Variants in VWA8 observed in about 807,000 individuals in gnomAD.
The protein encoded by VWA8 is von Willebrand factor A domain containing 8.
A neutral mutation model predicts 241.5 loss-of-function variants in VWA8; 221 were observed. That is an observed-to-expected ratio of 0.91 (90% CI 0.82 to 1.02). The LOEUF is 1.02. VWA8 is among the 50% of genes least tolerant of loss of function. The probability of loss-of-function intolerance (pLI) is 0.00; values close to 1 mark genes in which losing one functional copy is unlikely to be tolerated. For missense variants in VWA8, 2,322 were observed against 2,328.7 expected (o/e 1.00, Z 0.06); for synonymous variants, 852 against 827.1 (o/e 1.03, Z -0.52).
intron 39 of VWA8, among the ~76,000 whole-genome samples, chr13:41,606,752 T>G (rs1268327898): frequency 6.6e-6 from 1 of 152,184 alleles, no homozygotes; most frequent in African/African-American, 2.4e-5. Flanking sequence ...ATTACAATTA[T>G]GTAATGCTAG....
intron 4 of VWA8, among the ~76,000 whole-genome samples, chr13:41,893,215 T>C (rs980472523): frequency 1.3e-5 from 2 of 152,210 alleles, no homozygotes; most frequent in East Asian, 3.8e-4. Flanking sequence ...AAAGAGGCAT[T>C]GCTTAATCAA....
intron 35 of VWA8, among the ~76,000 whole-genome samples, chr13:41,683,197 C>T (rs189770550): frequency 1.4e-4 from 21 of 151,934 alleles, no homozygotes; most frequent in African/African-American, 5.1e-4. Context: ...AAATATGTCA[C>T]CTTGTGAATG....
rs566304672 is a variant in VWA8, at chr13:41,859,136, C to A, written c.1425+6600G>T. Among the ~76,000 whole-genome samples, 13 of 146,876 alleles carry A rather than the reference C, an allele frequency of 8.9e-5. No individual in the cohort carries two copies. The East Asian group carries it at 2.5e-3, about 29-fold the overall frequency. ...AAAAAAAAAAGCCTCCAAGGTCCAA[C>A]GTTGCATAAAGAACACTTAAATGAA... On this transcript the variant is annotated intron_variant, in intron 12 of 44. Transcript: ENST00000379310.
chr13:41,717,658 G>A (rs1257616009), intron 26 of VWA8, among the ~76,000 whole-genome samples: 2 of 151,820 alleles, frequency 1.3e-5, no homozygotes, highest in Non-Finnish European at 2.9e-5. Flanking sequence ...AAATTGCTAC[G>A]GAACCTGTGA....
chr13:41,610,758 A>G (rs1053001116), intron 39 of VWA8, among the ~76,000 whole-genome samples: 4 of 152,238 alleles, frequency 2.6e-5, no homozygotes, highest in African/African-American at 9.6e-5. Context: ...CTAAAAGGAA[A>G]TACTGGTGGT....
At position 41,887,254 on chromosome 13, in the gene VWA8, T is replaced by C. The variant is rs928993242; in HGVS notation, c.759A>G (p.Leu253=). 1 of 1,613,724 alleles carries C rather than the reference T, an allele frequency of 6.2e-7. No homozygotes were observed. Among genetic ancestry groups the C allele is most frequent in the Non-Finnish European group, 8.5e-7 (1 of 1,179,912 alleles). The part of the protein sequence containing the change: ...LPVPRYSGNP[L]DPPLRSRFQA... ...GAAATCGAGAACGAAGAGGGGGGTC[T>C]AATGGATTCCCAGAATACCTTGGCA... Residue 253 remains leucine (L), a synonymous_variant, in exon 6 of 45, where the codon TTA becomes TTG. Transcript: ENST00000379310.
At chr13:41,736,329 G>A (rs2045524569) in intron 21 of VWA8, among the ~76,000 whole-genome samples, 1 of 152,018 alleles carries the variant, frequency 6.6e-6, no homozygotes, top group East Asian at 1.9e-4. Flanking sequence ...CTTAACTTTG[G>A]CACTTTAAAG....
At chr13:41,755,454 T>C (rs367905208) in intron 21 of VWA8, among the ~76,000 whole-genome samples, 7 of 152,140 alleles carry the variant, frequency 4.6e-5, no homozygotes, top group Non-Finnish European at 1.0e-4. Context: ...ATCAATAATA[T>C]AGTAATGGGT....
intron 21 of VWA8, among the ~76,000 whole-genome samples, chr13:41,736,350 A>T (rs1362741739): frequency 1.3e-5 from 2 of 152,210 alleles, no homozygotes; most frequent in Non-Finnish European, 2.9e-5. Context: ...TCTTTTTAAA[A>T]ATTAGAGTTA....
rs77902726 is a variant in VWA8, at chr13:41,609,078, T to C, written c.4877+2498A>G. ...GTGTCATTCATTCCACAAATACATA[T>C]GAAGGTTTGCTACATACCAGGTTCT... On this transcript the variant is annotated intron_variant, in intron 39 of 44. Transcript: ENST00000379310. 1.1e-3 allele frequency among the ~76,000 whole-genome samples: 170 copies of C among 152,322 alleles called. 2 individuals carry two copies. Among genetic ancestry groups the C allele is most frequent in the African/African-American group, 3.8e-3 (160 of 41,588 alleles).
intron 14 of VWA8, among the ~76,000 whole-genome samples, chr13:41,821,773 C>T (rs1290738403): frequency 6.6e-6 from 1 of 152,108 alleles, no homozygotes; most frequent in Non-Finnish European, 1.5e-5. Context: ...CTATGTTTGT[C>T]TGTGGGCATA....
intron 21 of VWA8, among the ~76,000 whole-genome samples, chr13:41,760,426 T>C (rs1481365819): frequency 1.3e-5 from 2 of 151,900 alleles, no homozygotes; most frequent in Non-Finnish European, 2.9e-5. Context: ...TATAACTCAA[T>C]TCAATGCTCT....
At chr13:41,823,229 G>A (rs1389421966) in intron 14 of VWA8, among the ~76,000 whole-genome samples, 3 of 152,166 alleles carry the variant, frequency 2.0e-5, no homozygotes, top group African/African-American at 7.2e-5. Context: ...AAGAGTTAAA[G>A]GGTTGAGATA....
At position 41,610,629 on chromosome 13, in the gene VWA8, C is replaced by T. The variant is rs545252749; in HGVS notation, c.4877+947G>A. On this transcript the variant is annotated intron_variant, in intron 39 of 44. Transcript: ENST00000379310. ...ATGTAATGTAATACCAGATGTTCTA[C>T]GTGGGAGGAATTTCATAACTCATAC... Among the ~76,000 whole-genome samples the T allele has an allele frequency of 1.1e-4, 17 of 152,282 alleles. 1 individual carries two copies. The South Asian group carries it at 3.5e-3, about 32-fold the overall frequency.
chr13:41,798,441 T>C (rs1456587264), intron 17 of VWA8, among the ~76,000 whole-genome samples: 1 of 152,194 alleles, frequency 6.6e-6, no homozygotes, highest in East Asian at 1.9e-4. Flanking sequence ...ACTTCTGGCA[T>C]TGATAGTTAT....
chr13:41,711,737 G>A (rs922297584), intron 26 of VWA8, among the ~76,000 whole-genome samples: 3 of 152,078 alleles, frequency 2.0e-5, no homozygotes, highest in Non-Finnish European at 2.9e-5. Context: ...AGCGGGGCGT[G>A]GTGGCGGGTG....
intron 40 of VWA8, 67 bp downstream of exon 40, chr13:41,605,101 C>A (rs918407346): frequency 1.3e-6 from 2 of 1,508,358 alleles, no homozygotes; most frequent in Non-Finnish European, 1.8e-6. Flanking sequence ...TAATTTTCTC[C>A]AAGACTTTAG....
intron 14 of VWA8, among the ~76,000 whole-genome samples, chr13:41,819,786 C>A (rs773586017): frequency 1.3e-5 from 2 of 152,156 alleles, no homozygotes; most frequent in African/African-American, 2.4e-5. Context: ...AAGGAACCCA[C>A]TCTATGTCAA....
At chr13:41,867,372 A>T (rs1873361410) in intron 10 of VWA8, among the ~76,000 whole-genome samples, 1 of 152,084 alleles carries the variant, frequency 6.6e-6, no homozygotes, top group Non-Finnish European at 1.5e-5. Flanking sequence ...CTCTATCCTA[A>T]ACTATCAGCT....
Sources: gnomAD v4.1 joint callset for allele counts (sites outside exome capture counted in the v4.1 genomes callset) on GRCh38, gnomAD v4.1.1 for gene constraint, MANE v1.5 for transcripts, NCBI Gene and HGNC (gene_info 2026-07-23, HGNC 2026-07-21) for gene names.